GTF2I: variants seen among roughly 807,000 people sequenced by gnomAD.
GTF2I encodes the protein general transcription factor II-I.
In GTF2I, 12 loss-of-function variants were observed where a neutral mutation model predicts 67.6. That is an observed-to-expected ratio of 0.18 (90% CI 0.11 to 0.29). The LOEUF (loss-of-function observed/expected upper bound fraction) is 0.29, where lower values mean the gene tolerates loss of function less well. GTF2I is among the 10% of genes least tolerant of loss of function. GTF2I has a pLI of 1.00. For synonymous variants in GTF2I, 149 were observed against 197.0 expected, an observed-to-expected ratio of 0.76 and a Z score of 2.04; for missense variants, 271 against 580.1, an observed-to-expected ratio of 0.47 and a Z score of 5.47.
chr7:74,717,427 C>CT (rs782076849), intron 11 of GTF2I, among the ~76,000 whole-genome samples: 1 of 152,154 alleles, frequency 6.6e-6, no homozygotes, highest in African/African-American at 2.4e-5. Flanking sequence ...CCATAAATGA[C>CT]TTTGTCAGTT....
intron 1 of GTF2I, among the ~76,000 whole-genome samples, chr7:74,665,220 G>T (rs1562933614): frequency 1.3e-5 from 2 of 151,828 alleles, no homozygotes; most frequent in Non-Finnish European, 2.9e-5. Flanking sequence ...GGGATTACAG[G>T]TGTGAGCCAA....
chr7:74,660,098 C>T (rs1014597909), intron 1 of GTF2I, among the ~76,000 whole-genome samples: 1 of 151,588 alleles, frequency 6.6e-6, no homozygotes, highest in Non-Finnish European at 1.5e-5. Context: ...TCCTTGAGAT[C>T]TTGGTCTTTT....
At chr7:74,670,767 T>A (rs1178200221) in intron 1 of GTF2I, among the ~76,000 whole-genome samples, 1 of 151,508 alleles carries the variant, frequency 6.6e-6, no homozygotes, top group Non-Finnish European at 1.5e-5. Flanking sequence ...TAATAGCTAC[T>A]TGATTTTCAT....
chr7:74,669,792 A>G (rs2131211215), intron 1 of GTF2I, among the ~76,000 whole-genome samples: 1 of 152,188 alleles, frequency 6.6e-6, no homozygotes, highest in African/African-American at 2.4e-5. Flanking sequence ...CGACCTCCCA[A>G]AGTGCGGGGA....
chr7:74,686,888 TG>T (rs1787786181), intron 1 of GTF2I, among the ~76,000 whole-genome samples: 1 of 151,706 alleles, frequency 6.6e-6, no homozygotes, highest in African/African-American at 2.4e-5. Context: ...TTGTTTGTTT[TG>T]TTTTTGTTTT....
intron 1 of GTF2I, among the ~76,000 whole-genome samples, chr7:74,664,135 AAAATTGTGTGGGT>A (rs1804763342): frequency 2.6e-5 from 4 of 152,122 alleles, no homozygotes. Flanking sequence ...GTATCCTGTA[AAAATTGTGTGGGT>A]ACGTCATCGG....
intron 1 of GTF2I, among the ~76,000 whole-genome samples, chr7:74,670,016 T>A (rs1379385728): frequency 1.3e-5 from 2 of 152,216 alleles, no homozygotes; most frequent in Non-Finnish European, 2.9e-5. Flanking sequence ...TTAGCCGTGA[T>A]AATTAATGCA....
intron 8 of GTF2I, among the ~76,000 whole-genome samples, chr7:74,709,919 C>A (rs587619665): frequency 6.6e-6 from 1 of 152,094 alleles, no homozygotes; most frequent in South Asian, 2.1e-4. Flanking sequence ...GTGATTCGCC[C>A]GCCTGGACCT....
chr7:74,662,204 C>CTTTTTTTTTTTTTTTT (rs59914241), intron 1 of GTF2I, among the ~76,000 whole-genome samples: 1 of 82,596 alleles, frequency 1.2e-5, no homozygotes, highest in Non-Finnish European at 2.2e-5. Flanking sequence ...TTTTTTCTTT[C>CTTTTTTTTTTTTTTTT]TTTTTTTTTT....
chr7:74,659,254 C>G (rs1382902607), intron 1 of GTF2I, among the ~76,000 whole-genome samples: 1 of 151,438 alleles, frequency 6.6e-6, no homozygotes, highest in Non-Finnish European at 1.5e-5. Flanking sequence ...GAAACAGGGT[C>G]TCTCTGTGTT....
At chr7:74,673,714 C>A (rs1192400638) in intron 1 of GTF2I, among the ~76,000 whole-genome samples, 3 of 129,180 alleles carry the variant, frequency 2.3e-5, no homozygotes, top group Non-Finnish European at 3.2e-5. Flanking sequence ...ACCAGTCTTG[C>A]TCTGTCGCCA....
chr7:74,706,741 A>C (rs1243344812), intron 8 of GTF2I, among the ~76,000 whole-genome samples: 3 of 152,186 alleles, frequency 2.0e-5, no homozygotes, highest in Non-Finnish European at 4.4e-5. Context: ...TTTTTACAAA[A>C]ATCAATAGAA....
chr7:74,696,976 C>G (rs922316297), intron 3 of GTF2I, among the ~76,000 whole-genome samples: 5 of 152,000 alleles, frequency 3.3e-5, no homozygotes, highest in African/African-American at 9.7e-5. Context: ...TCATGTGAGT[C>G]TCTCACATAA....
intron 10 of GTF2I, 106 bp from the exon 11 acceptor site, chr7:74,716,788 A>G: frequency 2.9e-6 from 2 of 690,410 alleles, no homozygotes; most frequent in East Asian, 2.7e-5. Flanking sequence ...ATCATTTTGC[A>G]TATGTTTATT....
intron 9 of GTF2I, among the ~76,000 whole-genome samples, chr7:74,713,361 T>C (rs974799306): frequency 5.9e-5 from 9 of 152,224 alleles, no homozygotes; most frequent in African/African-American, 1.7e-4. Flanking sequence ...TCTATAGATA[T>C]GTACAGTCAT....
chr7:74,704,490 A>C, intron 6 of GTF2I, among the ~76,000 whole-genome samples: 1 of 151,758 alleles, frequency 6.6e-6, no homozygotes, highest in Non-Finnish European at 1.5e-5. Flanking sequence ...ACGGGGGTTC[A>C]CCATGTTGGC....
intron 1 of GTF2I, among the ~76,000 whole-genome samples, chr7:74,671,058 G>GCCA (rs1554390448): frequency 6.9e-6 from 1 of 144,692 alleles, no homozygotes; most frequent in Non-Finnish European, 1.5e-5. Flanking sequence ...CTGAACTTGT[G>GCCA]ATCCACTGAT....
intron 1 of GTF2I, among the ~76,000 whole-genome samples, chr7:74,686,312 A>C (rs1787721529): frequency 6.6e-6 from 1 of 152,154 alleles, no homozygotes; most frequent in Non-Finnish European, 1.5e-5. Context: ...AATTGGCCTT[A>C]GGTTCCCTGC....
At chr7:74,705,090 A>G in intron 6 of GTF2I, 74 bp from the exon 7 acceptor site, 5 of 900,490 alleles carry the variant, frequency 5.6e-6, no homozygotes, top group Non-Finnish European at 5.5e-6. Context: ...CACTAATTCT[A>G]TATTTAAAGC....
Sources: allele counts gnomAD v4.1 joint callset (sites outside exome capture counted in the v4.1 genomes callset), GRCh38; gene constraint gnomAD v4.1.1; transcripts MANE v1.5; gene names NCBI Gene and HGNC (gene_info 2026-07-23, HGNC 2026-07-21).